The following KAT6B variants were observed in gnomAD, a reference collection of about 807,000 sequenced individuals.
KAT6B encodes the protein histone acetyltransferase KAT6B.
A neutral mutation model predicts 187.5 loss-of-function variants in KAT6B; 10 were observed. The observed-to-expected ratio is 0.05, with a 90% confidence interval of 0.03 to 0.09. KAT6B has a LOEUF of 0.09. KAT6B is among the 10% of genes least tolerant of loss of function. KAT6B has a pLI of 1.00. For synonymous variants in KAT6B, 861 were observed against 926.8 expected, an observed-to-expected ratio of 0.93 and a Z score of 1.29; for missense variants, 1,952 against 2,558.9, an observed-to-expected ratio of 0.76 and a Z score of 5.12.
At chr10:74,850,413 A>G (rs1051613883) in intron 3 of KAT6B, among the ~76,000 whole-genome samples, 4 of 152,224 alleles carry the variant, frequency 2.6e-5, no homozygotes, top group African/African-American at 9.6e-5. Flanking sequence ...CATCATCATC[A>G]TTCCGATGCA....
chr10:74,826,670 C>A lies in KAT6B; in HGVS notation c.-444C>A. The A allele has an allele frequency of 6.5e-6, 1 of 153,828 alleles. No homozygotes were observed. The highest frequency in any genetic ancestry group is 1.7e-4 in the South Asian group (1 of 5,716). 9.5% of individuals were successfully genotyped at this position (153,828 alleles called of 1,614,324 possible). ...AAATGGCGGCGGCTTAGCTCCTACC[C>A]CTGGCGGCGGCGGCAGCGGTGGCGG... On this transcript the variant is annotated 5_prime_UTR_variant, in exon 1 of 18. Transcript: ENST00000287239.
At chr10:74,956,166 A>AT (rs2133466051) in intron 3 of KAT6B, among the ~76,000 whole-genome samples, 1 of 152,070 alleles carries the variant, frequency 6.6e-6, no homozygotes, top group Non-Finnish European at 1.5e-5. Flanking sequence ...ATTATATGAC[A>AT]TTTTTTCAAG....
intron 13 of KAT6B, among the ~76,000 whole-genome samples, chr10:75,000,475 T>C (rs1176500941): frequency 6.6e-6 from 1 of 152,148 alleles, no homozygotes; most frequent in Non-Finnish European, 1.5e-5. Flanking sequence ...GTTCTAAATC[T>C]CAGATTAACT....
intron 14 of KAT6B, 120 bp downstream of exon 14, chr10:75,020,933 C>G (rs1845357646): frequency 1.0e-6 from 1 of 996,552 alleles, no homozygotes; most frequent in South Asian, 1.4e-5. Context: ...ATTATCAAAC[C>G]TTTTCTCCTA....
chr10:74,874,218 T>A lies in KAT6B; in HGVS notation c.621+30740T>A, dbSNP rs551305896. 4.6e-5 allele frequency among the ~76,000 whole-genome samples: 7 copies of A among 152,356 alleles called. No homozygotes were observed. The East Asian group carries it at 7.7e-4, about 17-fold the overall frequency. ...ACAGGATCATTGTAGAAGGAACTTA[T>A]GTTATCACAGAGGTCCTGTAGTCCC... On this transcript the variant is annotated intron_variant, in intron 3 of 17. Coordinates refer to ENST00000287239, the MANE Select transcript of KAT6B (RefSeq NM_012330.4).
chr10:74,914,200 A>G (rs899431923), intron 3 of KAT6B, among the ~76,000 whole-genome samples: 4 of 145,042 alleles, frequency 2.8e-5, no homozygotes, highest in Admixed American at 2.7e-4. Context: ...AAAAAAAAGA[A>G]AAAAAAAAAA....
chr10:74,836,204 A>G (rs1393746336), intron 1 of KAT6B, among the ~76,000 whole-genome samples: 1 of 152,192 alleles, frequency 6.6e-6, no homozygotes, highest in Non-Finnish European at 1.5e-5. Context: ...ACCACAGTTT[A>G]TCTGTTCATC....
chr10:74,861,897 G>A (rs1479937087), intron 3 of KAT6B, among the ~76,000 whole-genome samples: 3 of 152,178 alleles, frequency 2.0e-5, no homozygotes, highest in African/African-American at 7.2e-5. Flanking sequence ...GAGATTTACA[G>A]TACCTGAGTA....
intron 11 of KAT6B, chr10:74,982,553 A>G (rs944610317): frequency 2.6e-5 from 4 of 154,132 alleles, no homozygotes; most frequent in Admixed American, 1.3e-4. Context: ...TTGCCTCTAT[A>G]TAGTTGCATT....
intron 13 of KAT6B, among the ~76,000 whole-genome samples, chr10:75,015,291 G>A (rs1033803753): frequency 2.6e-5 from 4 of 152,086 alleles, no homozygotes; most frequent in South Asian, 2.1e-4. Context: ...CAAAATTTCC[G>A]TCTTTGCCAA....
chr10:74,832,346 C>T (rs1401790319), intron 1 of KAT6B, among the ~76,000 whole-genome samples: 1 of 152,076 alleles, frequency 6.6e-6, no homozygotes, highest in East Asian at 1.9e-4. Flanking sequence ...TTTTCTCAGC[C>T]AGGTGCAGTG....
intron 1 of KAT6B, among the ~76,000 whole-genome samples, chr10:74,837,281 A>G (rs1256464764): frequency 1.3e-5 from 2 of 152,246 alleles, no homozygotes; most frequent in East Asian, 3.8e-4. Context: ...TGATACAACC[A>G]TATAATTTAC....
chr10:74,961,054 A>G (rs945668086), intron 4 of KAT6B, among the ~76,000 whole-genome samples: 1 of 152,176 alleles, frequency 6.6e-6, no homozygotes, highest in African/African-American at 2.4e-5. Flanking sequence ...GCTGACTAGA[A>G]GGGAGAGCCT....
At chr10:74,999,805 A>G (rs1487682544) in intron 13 of KAT6B, among the ~76,000 whole-genome samples, 1 of 152,198 alleles carries the variant, frequency 6.6e-6, no homozygotes, top group Non-Finnish European at 1.5e-5. Context: ...CCCCAGAGAG[A>G]AAGTCATAAG....
intron 13 of KAT6B, among the ~76,000 whole-genome samples, chr10:75,000,306 T>G (rs1843740200): frequency 6.6e-6 from 1 of 151,416 alleles, no homozygotes; most frequent in African/African-American, 2.4e-5. Context: ...TGTACATCAG[T>G]AGGGAAAAGA....
intron 3 of KAT6B, among the ~76,000 whole-genome samples, chr10:74,897,122 C>T (rs911816021): frequency 2.0e-5 from 3 of 152,054 alleles, no homozygotes; most frequent in Non-Finnish European, 4.4e-5. Flanking sequence ...AAACAAATAG[C>T]TTTGTGTTTT....
chr10:74,928,792 T>C (rs1295093639), intron 3 of KAT6B, among the ~76,000 whole-genome samples: 1 of 152,224 alleles, frequency 6.6e-6, no homozygotes, highest in Non-Finnish European at 1.5e-5. Context: ...GTCTGAGGCA[T>C]GTACATTTTT....
At chr10:74,873,563 G>A (rs1806498827) in intron 3 of KAT6B, among the ~76,000 whole-genome samples, 1 of 152,194 alleles carries the variant, frequency 6.6e-6, no homozygotes, top group South Asian at 2.1e-4. Context: ...GGCAAGCCTG[G>A]GAGGAGGCCT....
At chr10:75,004,139 A>G (rs2069987810) in intron 13 of KAT6B, among the ~76,000 whole-genome samples, 1 of 152,046 alleles carries the variant, frequency 6.6e-6, no homozygotes, top group African/African-American at 2.4e-5. Flanking sequence ...TTTGAAATCC[A>G]CTACTGGACA....
Sources: gnomAD v4.1 joint callset for allele counts (sites outside exome capture counted in the v4.1 genomes callset) on GRCh38, gnomAD v4.1.1 for gene constraint, MANE v1.5 for transcripts, NCBI Gene and HGNC (gene_info 2026-07-23, HGNC 2026-07-21) for gene names.